KCNN2: variants seen among roughly 807,000 people sequenced by gnomAD.
The protein encoded by KCNN2 is potassium calcium-activated channel subfamily N member 2.
In KCNN2, 24 loss-of-function variants were observed where a neutral mutation model predicts 55.5. That is an observed-to-expected ratio of 0.43 (90% CI 0.31 to 0.61). The LOEUF (loss-of-function observed/expected upper bound fraction) is 0.61, where lower values mean the gene tolerates loss of function less well. KCNN2 is among the 20% of genes least tolerant of loss of function. The probability of loss-of-function intolerance (pLI) is 0.08; values close to 1 mark genes in which losing one functional copy is unlikely to be tolerated. For synonymous variants in KCNN2, 431 were observed against 336.1 expected (o/e 1.28, Z -3.09); for missense variants, 754 against 853.6 (o/e 0.88, Z 1.45).
chr5:114,114,775 G>A (rs1751678478), intron 1 of KCNN2, among the ~76,000 whole-genome samples: 2 of 152,080 alleles, frequency 1.3e-5, no homozygotes, highest in African/African-American at 4.8e-5. Context: ...CTCCTGCCAA[G>A]CATTAGGCTC....
chr5:114,468,977 A>ATGGGATACCTGAACTTCTTTT (rs1202832187), intron 4 of KCNN2, among the ~76,000 whole-genome samples: 1 of 152,168 alleles, frequency 6.6e-6, no homozygotes, highest in Non-Finnish European at 1.5e-5. Flanking sequence ...TTTGAGGGAA[A>ATGGGATACCTGAACTTCTTTT]TGGGATACCT....
At chr5:114,234,339 G>A (rs1463506243) in intron 2 of KCNN2, among the ~76,000 whole-genome samples, 2 of 152,262 alleles carry the variant, frequency 1.3e-5, no homozygotes, top group East Asian at 3.9e-4. Flanking sequence ...CTTGTGCGAT[G>A]TGCGATGGTA....
chr5:114,162,228 C>T (rs1476688731), intron 1 of KCNN2, among the ~76,000 whole-genome samples: 1 of 152,188 alleles, frequency 6.6e-6, no homozygotes, highest in Non-Finnish European at 1.5e-5. Context: ...ACAGTCAGGA[C>T]CCTCAGCTGC....
chr5:114,132,917 G>T (rs2112614189), intron 1 of KCNN2, among the ~76,000 whole-genome samples: 1 of 152,254 alleles, frequency 6.6e-6, no homozygotes, highest in South Asian at 2.1e-4. Flanking sequence ...TATTGTAAAA[G>T]ATGCCTCCAG....
chr5:114,420,746 A>C lies in KCNN2; in HGVS notation c.1637+15890A>C, dbSNP rs1017442525. Among the ~76,000 whole-genome samples, 9 of 152,254 alleles carry C rather than the reference A, an allele frequency of 5.9e-5. 1 individual carries two copies. Among genetic ancestry groups the C allele is most frequent in the Non-Finnish European group, 1.2e-4 (8 of 68,042 alleles). ...ATTCACAGAACATGTTTTATAGGCA[A>C]TCTAGAACTTTAATGGCATGATAAG... On this transcript the variant is annotated intron_variant, in intron 3 of 7. Transcript: ENST00000673685.
At chr5:114,393,866 T>C (rs1758529519) in intron 2 of KCNN2, among the ~76,000 whole-genome samples, 2 of 152,266 alleles carry the variant, frequency 1.3e-5, no homozygotes, top group South Asian at 4.1e-4. Context: ...AATGGCATAC[T>C]ATTCATTTTA....
At chr5:114,245,828 G>A (rs1415681886) in intron 2 of KCNN2, among the ~76,000 whole-genome samples, 2 of 152,120 alleles carry the variant, frequency 1.3e-5, no homozygotes. Context: ...AGGAACAGGT[G>A]GACATATCTT....
At chr5:114,182,834 T>C (rs1158692472) in intron 1 of KCNN2, among the ~76,000 whole-genome samples, 1 of 152,154 alleles carries the variant, frequency 6.6e-6, no homozygotes, top group Non-Finnish European at 1.5e-5. Context: ...TACTTCTTTA[T>C]TTCTGTTTGC....
chr5:114,130,996 A>G (rs1752060061), intron 1 of KCNN2, among the ~76,000 whole-genome samples: 1 of 152,244 alleles, frequency 6.6e-6, no homozygotes, highest in Admixed American at 6.5e-5. Flanking sequence ...TTCTGGGTCA[A>G]AAATAAAATG....
rs560598621 is a variant in KCNN2 at position 114,173,724 on chromosome 5, A to G, written c.-270-47756A>G. ...TCCTTTAGTTCTTTTGTTAATTCCTACATATTTAATTTTATTTGTGGCTAT... is the reference window on the plus strand; with the variant it reads ...TCCTTTAGTTCTTTTGTTAATTCCTGCATATTTAATTTTATTTGTGGCTAT... On this transcript the variant is annotated intron_variant, in intron 1 of 10. Transcript: ENST00000512097. 2.0e-5 allele frequency among the ~76,000 whole-genome samples: 3 copies of G among 151,380 alleles called. No individual in the cohort carries two copies. In the South Asian group the frequency reaches 6.3e-4, roughly 32 times the overall value.
At chr5:114,431,810 AT>A (rs1274571821) in intron 3 of KCNN2, among the ~76,000 whole-genome samples, 2 of 152,084 alleles carry the variant, frequency 1.3e-5, no homozygotes, top group Non-Finnish European at 2.9e-5. Context: ...ATATTTTTAA[AT>A]TTCTCTTGAG....
intron 5 of KCNN2, among the ~76,000 whole-genome samples, chr5:114,474,554 G>A (rs996084321): frequency 5.3e-5 from 8 of 152,000 alleles, no homozygotes; most frequent in African/African-American, 1.9e-4. Flanking sequence ...TAAAGGCTTG[G>A]GTTTCTTTTA....
At chr5:114,296,477 CTTAA>C (rs1561560407) in intron 2 of KCNN2, among the ~76,000 whole-genome samples, 1 of 152,164 alleles carries the variant, frequency 6.6e-6, no homozygotes, top group East Asian at 1.9e-4. Flanking sequence ...ATTGCTGAGG[CTTAA>C]TTAGTATTTG....
In KCNN2 at chr5:114,126,862, C is replaced by T. The variant is rs1300045344; in HGVS notation, c.-271+70362C>T. ...TGGGGGTACAGGCATTGAGTGAACACACCCATTCCAAATGGGAGAAATTGG... is the reference window on the plus strand; with the variant it reads ...TGGGGGTACAGGCATTGAGTGAACATACCCATTCCAAATGGGAGAAATTGG... On this transcript the variant is annotated intron_variant, in intron 1 of 10. Coordinates refer to the KCNN2 transcript ENST00000512097. 1.1e-4 allele frequency among the ~76,000 whole-genome samples: 17 copies of T among 152,162 alleles called. 1 individual carries two copies. Among genetic ancestry groups the T allele is most frequent in the Non-Finnish European group, 2.4e-4 (16 of 68,040 alleles).
At chr5:114,381,588 C>T (rs573366573) in intron 2 of KCNN2, among the ~76,000 whole-genome samples, 1 of 152,324 alleles carries the variant, frequency 6.6e-6, no homozygotes, top group African/African-American at 2.4e-5. Context: ...AGGATCACAG[C>T]ATGTCCTACT....
intron 1 of KCNN2, among the ~76,000 whole-genome samples, chr5:114,160,987 G>A (rs1049125187): frequency 2.0e-5 from 3 of 152,136 alleles, no homozygotes; most frequent in Non-Finnish European, 4.4e-5. Flanking sequence ...TTTAATTGGA[G>A]CATTTAGTCC....
intron 2 of KCNN2, among the ~76,000 whole-genome samples, chr5:114,367,261 C>T (rs1474916878): frequency 6.6e-6 from 1 of 152,208 alleles, no homozygotes; most frequent in Non-Finnish European, 1.5e-5. Context: ...TGTCATTTTT[C>T]AGTACCACAG....
intron 2 of KCNN2, among the ~76,000 whole-genome samples, chr5:114,347,648 T>A (rs1757135298): frequency 6.6e-6 from 1 of 152,232 alleles, no homozygotes; most frequent in African/African-American, 2.4e-5. Context: ...TTTTCCATTG[T>A]CTATGTGACC....
Position 114,429,777 on chromosome 5 carries a change from T to C in KCNN2, c.1637+24921T>C, listed in dbSNP as rs1189728885. The stretch of plus-strand genomic sequence containing the variant: ...TGATCCATTTTGAAGGTTTTGGGGG[T>C]TTTTTTGTGGGTAGAAAGGTGTAAG... On this transcript the variant is annotated intron_variant, in intron 3 of 7. Coordinates refer to ENST00000673685, the MANE Select transcript of KCNN2 (RefSeq NM_021614.4). 4.0e-5 allele frequency among the ~76,000 whole-genome samples: 6 copies of C among 151,264 alleles called. No homozygotes were observed. In the East Asian group the frequency reaches 1.2e-3, roughly 29 times the overall value.
Sources: allele counts gnomAD v4.1 joint callset (sites outside exome capture counted in the v4.1 genomes callset), GRCh38; gene constraint gnomAD v4.1.1; transcripts MANE v1.5; gene names NCBI Gene and HGNC (gene_info 2026-07-23, HGNC 2026-07-21).